The following RELCH variants were observed in gnomAD, a reference collection of about 807,000 sequenced individuals.
RELCH encodes the protein RAB11-binding protein RELCH.
A neutral mutation model predicts 150.3 loss-of-function variants in RELCH; 41 were observed. The observed-to-expected ratio is 0.27, with a 90% CI of 0.21 to 0.35. RELCH has a LOEUF of 0.35. Ranked by LOEUF, RELCH falls within the 10% of genes least tolerant of loss-of-function variation. The pLI, the probability that RELCH is intolerant of heterozygous loss-of-function variation, is 1.00. For synonymous variants in RELCH, 478 were observed against 531.8 expected (o/e 0.90, Z 1.39); for missense variants, 1,092 against 1,467.8 (o/e 0.74, Z 4.18).
chr18:62,255,580 G>A (rs1045787760), intron 13 of RELCH, 102 bp downstream of exon 13: 11 of 807,632 alleles, frequency 1.4e-5, no homozygotes, highest in Non-Finnish European at 2.2e-5. Flanking sequence ...TCCTAGATGT[G>A]CTGTCTTAAT....
chr18:62,248,856 T>A (rs1390016825), intron 11 of RELCH, among the ~76,000 whole-genome samples: 1 of 152,032 alleles, frequency 6.6e-6, no homozygotes, highest in African/African-American at 2.4e-5. Context: ...GGGCCACAGA[T>A]CAGGGTGACA....
chr18:62,290,524 A>T (rs917274592), intron 26 of RELCH, among the ~76,000 whole-genome samples: 1 of 152,032 alleles, frequency 6.6e-6, no homozygotes, highest in Non-Finnish European at 1.5e-5. Context: ...AGAGCAAAAA[A>T]TTCTGTTAAA....
chr18:62,243,781 A>G (rs2042265481), intron 10 of RELCH, among the ~76,000 whole-genome samples: 1 of 152,072 alleles, frequency 6.6e-6, no homozygotes, highest in Non-Finnish European at 1.5e-5. Context: ...AGTAATAATC[A>G]TGCATTATTA....
At chr18:62,214,893 C>A (rs879117095) in intron 2 of RELCH, among the ~76,000 whole-genome samples, 1 of 152,064 alleles carries the variant, frequency 6.6e-6, no homozygotes, top group African/African-American at 2.4e-5. Context: ...TACTCTACCC[C>A]CCTAGAACTC....
At chr18:62,195,931 T>C (rs976004047) in intron 1 of RELCH, among the ~76,000 whole-genome samples, 1 of 151,966 alleles carries the variant, frequency 6.6e-6, no homozygotes, top group African/African-American at 2.4e-5. Context: ...TCTGACCTCA[T>C]GTGATCCGCC....
chr18:62,293,001 A>T (rs181066263), intron 27 of RELCH, among the ~76,000 whole-genome samples: 1 of 152,124 alleles, frequency 6.6e-6, no homozygotes, highest in African/African-American at 2.4e-5. Context: ...GCCTTTTATC[A>T]TCTGACACCT....
intron 2 of RELCH, among the ~76,000 whole-genome samples, chr18:62,217,094 T>C (rs998970205): frequency 6.6e-6 from 1 of 151,948 alleles, no homozygotes; most frequent in Non-Finnish European, 1.5e-5. Flanking sequence ...ATCATTGTGG[T>C]GGGTGGTTAT....
At chr18:62,297,506 A>G (rs1159951187) in intron 27 of RELCH, among the ~76,000 whole-genome samples, 1 of 152,208 alleles carries the variant, frequency 6.6e-6, no homozygotes, top group Non-Finnish European at 1.5e-5. Context: ...CCCCTTAAAA[A>G]CCAAAAAGCA....
rs1448053102 is a variant in RELCH, at chr18:62,252,763, C to T, written c.1824+9C>T. On this transcript the variant is annotated intron_variant, in intron 12 of 28. Coordinates refer to ENST00000644646, the MANE Select transcript of RELCH (RefSeq NM_001346231.2). Reference sequence around the variant, plus strand: ...CACAGTGTTGGGAACAGGTAAATAACTGTATTGAGTTTTCACCTAGCTATT... The same window carrying T: ...CACAGTGTTGGGAACAGGTAAATAATTGTATTGAGTTTTCACCTAGCTATT... 1 of 1,601,168 alleles carries T rather than the reference C, an allele frequency of 6.2e-7. No individual in the cohort carries two copies. The highest frequency in any genetic ancestry group is 8.6e-7 in the Non-Finnish European group (1 of 1,168,572).
At chr18:62,236,652 C>T (rs529375884) in intron 10 of RELCH, among the ~76,000 whole-genome samples, 1 of 151,818 alleles carries the variant, frequency 6.6e-6, no homozygotes, top group Non-Finnish European at 1.5e-5. Context: ...TCTGTAACAT[C>T]GGTACTAACA....
chr18:62,227,339 C>A lies in RELCH; in HGVS notation c.909C>A (p.Asp303Glu). Reference sequence around the variant, plus strand: ...GATTAAACATTCCAAAACCTCCAGACTTATTGCAACTCTACCGGGATTTTG... The same window carrying A: ...GATTAAACATTCCAAAACCTCCAGAATTATTGCAACTCTACCGGGATTTTG... ...DVGLNIPKPP[D>E]LLQLYRDFGN... is the part of the protein sequence containing the mutation. The change falls in exon 6 of 29, where the codon GAC becomes GAA. Residue 303 changes from aspartate (D) to glutamate (E), a missense_variant. Asp to Glu is a conservative substitution (Grantham distance 45). Around this residue, in one of 4 missense-constraint regions of RELCH, gnomAD observed 190 missense variants for 276.2 expected, o/e 0.69. Transcript: ENST00000644646. 1 of 1,611,678 alleles carries A rather than the reference C, an allele frequency of 6.2e-7. No homozygotes were observed. Among genetic ancestry groups the A allele is most frequent in the East Asian group, 2.2e-5 (1 of 44,800 alleles).
chr18:62,206,393 A>G (rs1344286910), intron 1 of RELCH, among the ~76,000 whole-genome samples: 1 of 152,226 alleles, frequency 6.6e-6, no homozygotes, highest in African/African-American at 2.4e-5. Context: ...TTCACCTAAT[A>G]GGGATTTAAA....
At chr18:62,203,853 T>C (rs13381921) in intron 1 of RELCH, among the ~76,000 whole-genome samples, 15,232 of 152,046 alleles carry the variant, frequency 0.1, 901 homozygotes, top group East Asian at 0.19. Flanking sequence ...TGGTGGCACA[T>C]CTCTAGTCCT....
intron 11 of RELCH, chr18:62,245,945 C>T (rs924392999): frequency 6.6e-6 from 1 of 152,196 alleles, no homozygotes; most frequent in African/African-American, 2.4e-5. Context: ...CTCCTCTGCT[C>T]TCCAAGTGCA....
At chr18:62,242,606 TCAG>T (rs2042204225) in intron 10 of RELCH, among the ~76,000 whole-genome samples, 1 of 152,190 alleles carries the variant, frequency 6.6e-6, no homozygotes, top group Admixed American at 6.5e-5. Context: ...AAGAACTCTT[TCAG>T]CTCCTGGGCC....
At chr18:62,189,167 C>T (rs902591632) in intron 1 of RELCH, among the ~76,000 whole-genome samples, 1 of 151,240 alleles carries the variant, frequency 6.6e-6, no homozygotes, top group Non-Finnish European at 1.5e-5. Context: ...TCTTCTTTTT[C>T]GGGAAAAGAT....
At chr18:62,274,319 A>G (rs993275146) in intron 21 of RELCH, among the ~76,000 whole-genome samples, 3 of 152,222 alleles carry the variant, frequency 2.0e-5, no homozygotes, top group Non-Finnish European at 4.4e-5. Flanking sequence ...AAGGGTGCAG[A>G]CATATGTTTT....
At chr18:62,191,736 C>G (rs2038656689) in intron 1 of RELCH, among the ~76,000 whole-genome samples, 1 of 152,160 alleles carries the variant, frequency 6.6e-6, no homozygotes, top group African/African-American at 2.4e-5. Flanking sequence ...CTTTTTATGG[C>G]TGGCTGCATA....
At chr18:62,216,112 A>G (rs1175303586) in intron 2 of RELCH, among the ~76,000 whole-genome samples, 2 of 152,012 alleles carry the variant, frequency 1.3e-5, no homozygotes, top group African/African-American at 4.8e-5. Flanking sequence ...TCAATTTTCT[A>G]GTTTTTTTAA....
Sources: gnomAD v4.1 joint callset for allele counts (sites outside exome capture counted in the v4.1 genomes callset) on GRCh38, gnomAD v4.1.1 for gene constraint, gnomAD v4.1.1 regional missense constraint, MANE v1.5 for transcripts, NCBI Gene and HGNC (gene_info 2026-07-23, HGNC 2026-07-21) for gene names.